TXNDC9: variants seen among roughly 807,000 people sequenced by gnomAD.
The protein encoded by TXNDC9 is thioredoxin domain-containing protein 9.
In TXNDC9, 7 loss-of-function variants were observed where a neutral mutation model predicts 23.0. The ratio of observed to expected loss-of-function variants is 0.30; its 90% CI spans 0.17 to 0.57. The LOEUF (loss-of-function observed/expected upper bound fraction) is 0.57, where lower values mean the gene tolerates loss of function less well. Ranked by LOEUF, TXNDC9 falls within the 20% of genes least tolerant of loss-of-function variation. The probability of loss-of-function intolerance (pLI) is 0.90; values close to 1 mark genes in which losing one functional copy is unlikely to be tolerated. For synonymous variants in TXNDC9, 72 were observed against 90.6 expected, an observed-to-expected ratio of 0.79 and a Z score of 1.17; for missense variants, 198 against 252.6, an observed-to-expected ratio of 0.78 and a Z score of 1.47.
rs1224675979 is a variant in TXNDC9 at position 99,322,375 on chromosome 2, T to C, written c.309-166A>G. On this transcript the variant is annotated intron_variant, in intron 3 of 4. Transcript: ENST00000264255. ...ATGACCTCACTTCCAGATCAGAGGT[T>C]AGCTGCCTGATTACGAGATGGGAAA... The C allele has an allele frequency of 5.3e-5, 65 of 1,220,740 alleles. No homozygotes were observed. The South Asian group carries it at 9.3e-4, about 17-fold the overall frequency. 75.6% of individuals were successfully genotyped at this position (1,220,740 alleles called of 1,614,324 possible). A position where few individuals can be genotyped will look rare whatever the true frequency, so the allele number is the denominator to read the frequency against.
At chr2:99,326,154 AGGGCAG>A (rs2094212362) in intron 3 of TXNDC9, among the ~76,000 whole-genome samples, 1 of 152,216 alleles carries the variant, frequency 6.6e-6, no homozygotes, top group African/African-American at 2.4e-5. Flanking sequence ...GTGTACCATA[AGGGCAG>A]AGGTTTCTCT....
intron 3 of TXNDC9, among the ~76,000 whole-genome samples, chr2:99,326,883 G>A (rs931684700): frequency 2.0e-5 from 3 of 152,132 alleles, no homozygotes; most frequent in Non-Finnish European, 4.4e-5. Context: ...CACAATACTA[G>A]AGGGAAATAA....
chr2:99,321,814 A>T, intron 4 of TXNDC9, 141 bp downstream of exon 4: 1 of 973,024 alleles, frequency 1.0e-6, no homozygotes, highest in Non-Finnish European at 1.5e-6. Context: ...TCAAAAAAAC[A>T]TGCTTTTCCT....
At chr2:99,311,102 T>C in the TXNDC9 span, among the ~76,000 whole-genome samples, 1 of 152,206 alleles carries the variant, frequency 6.6e-6, no homozygotes, top group African/African-American at 2.4e-5. Flanking sequence ...CATAGTTCAC[T>C]GTAACCTCAA....
chr2:99,318,354 T>G (rs552348806), downstream of TXNDC9, among the ~76,000 whole-genome samples: 2 of 152,170 alleles, frequency 1.3e-5, no homozygotes, highest in South Asian at 4.1e-4. Context: ...TTAAATATTT[T>G]TAGTAGAGAC....
the TXNDC9 span, among the ~76,000 whole-genome samples, chr2:99,312,156 T>C: frequency 6.6e-6 from 1 of 152,128 alleles, no homozygotes; most frequent in Admixed American, 6.5e-5. Flanking sequence ...AGGAAGAGCC[T>C]TGGTTCCCTC....
the TXNDC9 span, among the ~76,000 whole-genome samples, chr2:99,306,417 G>C: frequency 1.6e-4 from 24 of 152,294 alleles, no homozygotes; most frequent in African/African-American, 5.8e-4. Context: ...TGTCCCTGAG[G>C]GGTTAGATAA....
intron 3 of TXNDC9, among the ~76,000 whole-genome samples, chr2:99,325,738 C>CCGTG (rs1348085883): frequency 6.6e-6 from 1 of 152,132 alleles, no homozygotes; most frequent in African/African-American, 2.4e-5. Context: ...AGGCCGGGTG[C>CCGTG]CGTGGCTCAT....
chr2:99,332,214 G>T (rs2105326258), intron 2 of TXNDC9, among the ~76,000 whole-genome samples: 1 of 152,326 alleles, frequency 6.6e-6, no homozygotes, highest in Non-Finnish European at 1.5e-5. Context: ...AGGCTAAGGT[G>T]GGCGGATCAC....
downstream of TXNDC9, among the ~76,000 whole-genome samples, chr2:99,315,060 T>G (rs2105314943): frequency 6.8e-6 from 1 of 148,122 alleles, no homozygotes; most frequent in East Asian, 2.0e-4. Flanking sequence ...CACGCCTGGT[T>G]AATTTTTTTT....
At chr2:99,312,963 G>A in the TXNDC9 span, among the ~76,000 whole-genome samples, 1 of 152,052 alleles carries the variant, frequency 6.6e-6, no homozygotes, top group Non-Finnish European at 1.5e-5. Flanking sequence ...AGGAGTTTGA[G>A]ACCAGACTGA....
At chr2:99,330,926 C>T (rs6709085) in intron 2 of TXNDC9, among the ~76,000 whole-genome samples, 57,189 of 151,880 alleles carry the variant, frequency 0.38, 11,655 homozygotes, top group East Asian at 0.63. Flanking sequence ...AAAATAAGAC[C>T]CTCTGAATTA....
At chr2:99,311,200 A>T in the TXNDC9 span, among the ~76,000 whole-genome samples, 1 of 151,874 alleles carries the variant, frequency 6.6e-6, no homozygotes, top group Admixed American at 6.6e-5. Context: ...TAATGTTTAA[A>T]TTTTGTTTTC....
At chr2:99,307,945 T>C in the TXNDC9 span, among the ~76,000 whole-genome samples, 2 of 152,154 alleles carry the variant, frequency 1.3e-5, no homozygotes, top group East Asian at 3.8e-4. Context: ...ATTGGTTCTA[T>C]AACAGTCTTA....
downstream of TXNDC9, among the ~76,000 whole-genome samples, chr2:99,316,713 T>C (rs1201481379): frequency 6.6e-6 from 1 of 152,156 alleles, no homozygotes; most frequent in African/African-American, 2.4e-5. Context: ...TACAGTTACT[T>C]TACTTTTGAA....
rs557306140 is a variant in TXNDC9 at position 99,320,441 on chromosome 2, G to A, written c.564-642C>T. On this transcript the variant is annotated intron_variant, in intron 4 of 4. Coordinates refer to ENST00000264255, the MANE Select transcript of TXNDC9 (RefSeq NM_005783.4). ...TTCCATAATATGCCCGTCAAAAATC[G>A]ATAATCTGAATCTAATCTTGAGGAA... 7.2e-5 allele frequency among the ~76,000 whole-genome samples: 11 copies of A among 152,246 alleles called. No homozygotes were observed. The South Asian group carries it at 2.3e-3, about 32-fold the overall frequency.
chr2:99,335,791 G>C (rs1425899008), intron 1 of TXNDC9, among the ~76,000 whole-genome samples: 2 of 152,326 alleles, frequency 1.3e-5, no homozygotes, highest in Middle Eastern at 3.4e-3. Context: ...GTAGGTGTTG[G>C]TGGTCAGAGC....
downstream of TXNDC9, among the ~76,000 whole-genome samples, chr2:99,314,895 ATTTT>A (rs56288449): frequency 9.4e-6 from 1 of 106,886 alleles, no homozygotes; most frequent in Admixed American, 1.1e-4. Flanking sequence ...TCCTTTACTC[ATTTT>A]TTTTTTTTTT....
At chr2:99,324,141 C>T (rs892172089) in intron 3 of TXNDC9, among the ~76,000 whole-genome samples, 1 of 152,168 alleles carries the variant, frequency 6.6e-6, no homozygotes, top group Non-Finnish European at 1.5e-5. Flanking sequence ...CTACCACACC[C>T]AGCCTGCCGT....
Sources: gnomAD v4.1 joint callset for allele counts (sites outside exome capture counted in the v4.1 genomes callset) on GRCh38, gnomAD v4.1.1 for gene constraint, MANE v1.5 for transcripts, NCBI Gene and HGNC (gene_info 2026-07-23, HGNC 2026-07-21) for gene names.